Variants in CKMT2 observed in about 807,000 individuals in gnomAD.
The protein encoded by CKMT2 is creatine kinase S-type, mitochondrial.
Under a neutral mutation model 48.9 loss-of-function variants are expected in CKMT2, and 43 were observed. The ratio of observed to expected loss-of-function variants is 0.88; its 90% CI spans 0.69 to 1.13. CKMT2 has a LOEUF of 1.13. Ranked by LOEUF, CKMT2 falls within the 50% of genes most tolerant of loss-of-function variation. The probability of loss-of-function intolerance (pLI) is 0.00; values close to 1 mark genes in which losing one functional copy is unlikely to be tolerated. For missense variants in CKMT2, 472 were observed against 555.4 expected (o/e 0.85, Z 1.51); for synonymous variants, 206 against 213.0 (o/e 0.97, Z 0.29).
intron 1 of CKMT2, among the ~76,000 whole-genome samples, chr5:81,249,909 G>A (rs534173335): frequency 6.4e-4 from 97 of 152,218 alleles, no homozygotes; most frequent in Non-Finnish European, 1.3e-3. Context: ...TGCTCTTCAC[G>A]TCTTTGTCAC....
chr5:81,256,045 TCC>T (rs2112812291), intron 5 of CKMT2, among the ~76,000 whole-genome samples: 1 of 152,270 alleles, frequency 6.6e-6, no homozygotes, highest in East Asian at 1.9e-4. Flanking sequence ...CTCTGATCTC[TCC>T]CACTTAGAGA....
chr5:81,265,481 G>A (rs1000973339), intron 9 of CKMT2, among the ~76,000 whole-genome samples: 4 of 152,004 alleles, frequency 2.6e-5, no homozygotes, highest in African/African-American at 7.3e-5. Context: ...TTTCCTTGGG[G>A]GCAGTACAAG....
Position 81,234,019 on chromosome 5 carries a change from ATT to A in CKMT2, c.-21+643_-21+644del, listed in dbSNP as rs138349032. Among the ~76,000 whole-genome samples the A allele has an allele frequency of 5.6e-4, 61 of 108,330 alleles. 1 individual carries two copies. The highest frequency in any genetic ancestry group is 8.3e-4 in the Non-Finnish European group (46 of 55,262). 71.1% of individuals were successfully genotyped at this position (108,330 alleles called of 152,430 possible). On this transcript the variant is annotated intron_variant, in intron 1 of 9. Transcript: ENST00000254035. ...TCCTTACCTTTCCCACCGGAGGTTAATTAAAAAAAAAAAAAAAAAAAAAAAAA... is the reference window on the plus strand; with the variant it reads ...TCCTTACCTTTCCCACCGGAGGTTAAAAAAAAAAAAAAAAAAAAAAAAAAA...
intron 3 of CKMT2, 59 bp from the exon 4 acceptor site, chr5:81,254,337 A>G: frequency 7.0e-7 from 1 of 1,427,940 alleles, no homozygotes; most frequent in African/African-American, 1.4e-5. Context: ...GTGAATGGAA[A>G]GGTCTTTAAA....
intron 2 of CKMT2, among the ~76,000 whole-genome samples, chr5:81,251,637 C>A (rs1561281996): frequency 1.3e-5 from 2 of 152,102 alleles, no homozygotes; most frequent in East Asian, 1.9e-4. Context: ...CAAAGACCAG[C>A]AAGAAATATG....
At chr5:81,235,672 A>G (rs1160897598) in intron 1 of CKMT2, 1 of 152,264 alleles carries the variant, frequency 6.6e-6, no homozygotes, top group Non-Finnish European at 1.5e-5. Context: ...AGAGAAGAGC[A>G]TTAAGACCAG....
chr5:81,266,257 A>T lies in CKMT2; in HGVS notation c.1259A>T (p.Ter420LeuextTer9). Reference protein sequence around the residue: ...PPPLPQFGKK* With the variant: ...PPPLPQFGKKL The stretch of plus-strand genomic sequence containing the variant: ...CCTCTGCCTCAGTTTGGCAAAAAGT[A>T]AACTTTCCCTTTCCCAATTTATAAA... Residue 420 changes from the stop codon to leucine (L), a stop_lost, in exon 10 of 10, where the codon TAA becomes TTA. Coordinates refer to ENST00000254035, the MANE Select transcript of CKMT2 (RefSeq NM_001099735.2). The T allele has an allele frequency of 6.2e-7, 1 of 1,612,806 alleles. No homozygotes were observed. The highest frequency in any genetic ancestry group is 1.7e-4 in the Middle Eastern group (1 of 6,052).
At chr5:81,264,491 A>AT (rs2112830714) in intron 9 of CKMT2, among the ~76,000 whole-genome samples, 1 of 152,292 alleles carries the variant, frequency 6.6e-6, no homozygotes, top group South Asian at 2.1e-4. Context: ...TACACTGAGG[A>AT]AAAGGAAAGG....
chr5:81,257,337 T>C (rs1416084594), intron 6 of CKMT2, among the ~76,000 whole-genome samples: 1 of 152,162 alleles, frequency 6.6e-6, no homozygotes, highest in African/African-American at 2.4e-5. Context: ...AAATGTTGTG[T>C]ACCTTCAACA....
rs570273021 is a variant in CKMT2, at chr5:81,260,027, C to T, written c.1014+773C>T. On this transcript the variant is annotated intron_variant, in intron 8 of 9. Coordinates refer to ENST00000254035, the MANE Select transcript of CKMT2 (RefSeq NM_001099735.2). ...ACGGATATCATAACAGTCTCTCAGA[C>T]CACAGTGCAATCAAATTAGAACTCA... Among the ~76,000 whole-genome samples, 8 of 152,316 alleles carry T rather than the reference C, an allele frequency of 5.3e-5. No homozygotes were observed. In the South Asian group the frequency reaches 1.7e-3, roughly 32 times the overall value.
chr5:81,258,768 G>T (rs138327692), intron 7 of CKMT2, among the ~76,000 whole-genome samples: 106 of 152,292 alleles, frequency 7.0e-4, no homozygotes, highest in African/African-American at 2.4e-3. Context: ...TGCTCCTTAT[G>T]AGAAACTAAT....
chr5:81,240,628 C>T (rs543037633), intron 1 of CKMT2, among the ~76,000 whole-genome samples: 2 of 152,268 alleles, frequency 1.3e-5, no homozygotes, highest in Non-Finnish European at 2.9e-5. Context: ...GTGAAAGGAT[C>T]TTTATTTAAA....
chr5:81,256,660 C>G (rs1054406633), intron 5 of CKMT2, among the ~76,000 whole-genome samples: 2 of 152,182 alleles, frequency 1.3e-5, no homozygotes, highest in East Asian at 3.8e-4. Context: ...TGTTTTTCAC[C>G]ATTAGCTGCA....
At chr5:81,245,400 C>G (rs1363377986) in intron 1 of CKMT2, 1 of 152,208 alleles carries the variant, frequency 6.6e-6, no homozygotes, top group East Asian at 1.9e-4. Flanking sequence ...AGAGGAGTAT[C>G]TGGCTTCATC....
chr5:81,251,984 CCT>C (rs1756832016), intron 2 of CKMT2: 2 of 153,316 alleles, frequency 1.3e-5, no homozygotes, highest in Admixed American at 1.3e-4. Context: ...ATCCAGGCCC[CCT>C]GATTCCAGAC....
chr5:81,248,624 A>G (rs1001026198), intron 1 of CKMT2, among the ~76,000 whole-genome samples: 2 of 152,218 alleles, frequency 1.3e-5, no homozygotes, highest in African/African-American at 4.8e-5. Flanking sequence ...ACAAGTCCCC[A>G]GGACAACTTC....
chr5:81,251,545 G>A (rs539634331), intron 2 of CKMT2, among the ~76,000 whole-genome samples: 5 of 152,188 alleles, frequency 3.3e-5, no homozygotes, highest in Non-Finnish European at 2.9e-5. Flanking sequence ...CCGAGATCGC[G>A]CCACTGCACT....
chr5:81,262,505 C>G, intron 8 of CKMT2, among the ~76,000 whole-genome samples: 1 of 152,006 alleles, frequency 6.6e-6, no homozygotes, highest in Non-Finnish European at 1.5e-5. Flanking sequence ...ACAACCCCAT[C>G]AAAAAGTGGG....
At chr5:81,263,688 G>A in intron 9 of CKMT2, 72 bp downstream of exon 9, 1 of 1,434,114 alleles carries the variant, frequency 7.0e-7, no homozygotes, top group South Asian at 1.4e-5. Context: ...AAAGCAAACA[G>A]CCTAGCCGTT....
Sources: allele counts gnomAD v4.1 joint callset (sites outside exome capture counted in the v4.1 genomes callset), GRCh38; gene constraint gnomAD v4.1.1; transcripts MANE v1.5; gene names NCBI Gene and HGNC (gene_info 2026-07-23, HGNC 2026-07-21).